The following LAMA3 variants were observed in gnomAD, a reference collection of about 807,000 sequenced individuals.
The protein encoded by LAMA3 is laminin subunit alpha 3.
A neutral mutation model predicts 402.0 loss-of-function variants in LAMA3; 281 were observed. The observed-to-expected ratio is 0.70, with a 90% CI of 0.63 to 0.77. The LOEUF is 0.77. Among genes scored for constraint, LAMA3 ranks in the 30% least tolerant of loss-of-function variants. The pLI is 0.00. For synonymous variants in LAMA3, 1,431 were observed against 1,558.4 expected (o/e 0.92, Z 1.93); for missense variants, 3,840 against 4,215.5 (o/e 0.91, Z 2.47).
intron 69 of LAMA3, among the ~76,000 whole-genome samples, chr18:23,944,256 CCTT>C (rs566560964): frequency 3.9e-4 from 60 of 152,298 alleles, no homozygotes; most frequent in African/African-American, 1.3e-3. Context: ...TACTCTAACT[CCTT>C]CATCCTGGAC....
chr18:23,939,354 A>G lies in LAMA3; in HGVS notation c.8994A>G (p.Leu2998=). 1 of 1,614,192 alleles carries G rather than the reference A, an allele frequency of 6.2e-7. No homozygotes were observed. The part of the protein sequence containing the change: ...QFGDIPTSHL[L]FKLPQELLKP... ...GGGACATTCCCACCAGCCACTTGCTATTCAAGCTTCCTCAGGAGCTGCTGA... is the reference window on the plus strand; with the variant it reads ...GGGACATTCCCACCAGCCACTTGCTGTTCAAGCTTCCTCAGGAGCTGCTGA... Residue 2998 remains leucine (L), a synonymous_variant, in exon 68 of 75, where the codon CTA becomes CTG. Transcript: ENST00000313654.
At chr18:23,944,438 A>G (rs924226723) in intron 69 of LAMA3, among the ~76,000 whole-genome samples, 4 of 152,220 alleles carry the variant, frequency 2.6e-5, no homozygotes, top group African/African-American at 7.2e-5. Flanking sequence ...ACTTCAGAAA[A>G]TGTAAGTGAC....
intron 44 of LAMA3, among the ~76,000 whole-genome samples, chr18:23,897,800 G>A (rs2080925372): frequency 6.6e-6 from 1 of 152,136 alleles, no homozygotes; most frequent in Admixed American, 6.5e-5. Flanking sequence ...CGTATAAGAA[G>A]GGAAGTAACA....
rs907825291 is a variant in LAMA3, at chr18:23,950,715, C to T, written c.9642+556C>T. Among the ~76,000 whole-genome samples the T allele has an allele frequency of 2.6e-5, 4 of 152,262 alleles. No homozygotes were observed. The South Asian group carries it at 6.2e-4, about 24-fold the overall frequency. On this transcript the variant is annotated intron_variant, in intron 72 of 74. Coordinates refer to ENST00000313654, the MANE Select transcript of LAMA3 (RefSeq NM_198129.4). ...ATAATATGCCATTTTCTTTCATCTC[C>T]GTCCTTCCACAGTTTACTAAATGTG...
At chr18:23,812,235 A>C (rs551060193) in intron 13 of LAMA3, among the ~76,000 whole-genome samples, 28 of 152,254 alleles carry the variant, frequency 1.8e-4, no homozygotes, top group Non-Finnish European at 3.7e-4. Context: ...CCAGCTCCTC[A>C]GAAGGATGAG....
chr18:23,954,755 C>G lies in LAMA3; in HGVS notation c.*107C>G. On this transcript the variant is annotated 3_prime_UTR_variant, in exon 75 of 75. Transcript: ENST00000313654. ...TTCTTCACTCAGGACACAAACCAGA[C>G]AGGTTTAATAGCGAATCTAATTTTG... 8.3e-7 allele frequency: 1 copy of G among 1,207,718 alleles called. No individual in the cohort carries two copies. The highest frequency in any genetic ancestry group is 1.2e-6 in the Non-Finnish European group (1 of 816,006). The allele number at this position is 1,207,718 out of a possible 1,614,324, so 74.8% of individuals were successfully genotyped here.
At chr18:23,881,886 A>C in intron 39 of LAMA3, 50 bp from the exon 40 acceptor site, 1 of 1,174,512 alleles carries the variant, frequency 8.5e-7, no homozygotes, top group South Asian at 1.3e-5. Context: ...TAATCTCAGA[A>C]GTAGGGACTG....
chr18:23,860,230 A>G (rs943071176), intron 34 of LAMA3, among the ~76,000 whole-genome samples: 3 of 125,446 alleles, frequency 2.4e-5, no homozygotes, highest in African/African-American at 8.9e-5. Flanking sequence ...CACCTATTTT[A>G]TCATATCTTT....
At chr18:23,846,110 G>T (rs559025107) in intron 30 of LAMA3, among the ~76,000 whole-genome samples, 187 bp from the exon 31 acceptor site, 206 of 152,262 alleles carry the variant, frequency 1.4e-3, no homozygotes, top group Non-Finnish European at 2.0e-3. Context: ...TGTGGCAGGT[G>T]GTAGGGGGAG....
intron 42 of LAMA3, among the ~76,000 whole-genome samples, chr18:23,891,940 G>A (rs2080684074): frequency 6.6e-6 from 1 of 152,186 alleles, no homozygotes; most frequent in African/African-American, 2.4e-5. Flanking sequence ...ACTCTGAAGG[G>A]ATGTGGAACT....
At chr18:23,926,206 C>T (rs2081998155) in intron 62 of LAMA3, among the ~76,000 whole-genome samples, 1 of 152,228 alleles carries the variant, frequency 6.6e-6, no homozygotes, top group South Asian at 2.1e-4. Context: ...ATACCTCCCT[C>T]AAAAGCTTAT....
intron 18 of LAMA3, among the ~76,000 whole-genome samples, chr18:23,818,952 A>G (rs1044689489): frequency 6.6e-6 from 1 of 152,106 alleles, no homozygotes; most frequent in African/African-American, 2.4e-5. Flanking sequence ...TTCTTTGACT[A>G]TCTACAAAAT....
intron 50 of LAMA3, among the ~76,000 whole-genome samples, chr18:23,904,291 A>C (rs954813907): frequency 2.0e-5 from 3 of 152,218 alleles, no homozygotes; most frequent in Admixed American, 6.5e-5. Context: ...TCCTTTGGGC[A>C]CAGCTACAGA....
chr18:23,933,801 G>A lies in LAMA3; in HGVS notation c.8728G>A (p.Val2910Ile), dbSNP rs2082234491. 1 of 1,614,056 alleles carries A rather than the reference G, an allele frequency of 6.2e-7. No individual in the cohort carries two copies. The highest frequency in any genetic ancestry group is 1.1e-5 in the South Asian group (1 of 91,086). The change falls in exon 67 of 75, where the codon GTC (valine) becomes ATC (isoleucine). Residue 2910 changes from valine to isoleucine, a missense_variant. By Grantham distance (29) the Val-to-Ile change is conservative. Coordinates refer to ENST00000313654, the MANE Select transcript of LAMA3 (RefSeq NM_198129.4). ...FVQRLSLSPE[V>I]LDLTSNSLKR... is the part of the protein sequence containing the mutation. ...TTCCAGGTTATCACTGAGTCCTGAA[G>A]TCCTAGATTTGACCAGTAACTCTCT... is the stretch of plus-strand genomic sequence containing the variant.
At chr18:23,931,515 T>C (rs2082163829) in intron 65 of LAMA3, 2 of 243,832 alleles carry the variant, frequency 8.2e-6, no homozygotes, top group East Asian at 1.9e-4. Flanking sequence ...TAAAATAAAA[T>C]GTAAATAAAT....
chr18:23,714,402 C>G lies in LAMA3; in HGVS notation c.447+330C>G, dbSNP rs148546396. On this transcript the variant is annotated intron_variant, in intron 2 of 74. Transcript: ENST00000313654. ...GGGTGTGGTGGCGGATGCGTGTAATCCCAGCTACTTGGGAGGCTGAGGCAG... is the reference window on the plus strand; with the variant it reads ...GGGTGTGGTGGCGGATGCGTGTAATGCCAGCTACTTGGGAGGCTGAGGCAG... 5.3e-4 allele frequency among the ~76,000 whole-genome samples: 80 copies of G among 152,194 alleles called. 1 individual carries two copies. In the East Asian group the frequency reaches 0.014, roughly 27 times the overall value.
chr18:23,761,872 TAATA>T (rs1439175135), intron 7 of LAMA3, among the ~76,000 whole-genome samples: 1 of 152,216 alleles, frequency 6.6e-6, no homozygotes, highest in Non-Finnish European at 1.5e-5. Flanking sequence ...TCTTTCACAG[TAATA>T]AATAATAATG....
At position 23,758,470 on chromosome 18, in the gene LAMA3, G is replaced by T. The variant is rs775794986; in HGVS notation, c.1022G>T (p.Arg341Leu). 1 of 1,613,700 alleles carries T rather than the reference G, an allele frequency of 6.2e-7. No homozygotes were observed. Among genetic ancestry groups the T allele is most frequent in the Non-Finnish European group, 8.5e-7 (1 of 1,179,968 alleles). ...DRCCTGYNQRRWRPAAWEQSH... is the reference protein window; with the variant it reads ...DRCCTGYNQRLWRPAAWEQSH... ...TGCTGCACAGGGTACAATCAGAGGC[G>T]CTGGCGGCCCGCCGCTTGGGAGCAG... The change falls in exon 7 of 75, where the codon CGC (arginine) becomes CTC (leucine). Residue 341 changes from arginine (R) to leucine (L), a missense_variant. Physicochemically the swap from Arg to Leu is moderately radical, Grantham distance 102. Coordinates refer to ENST00000313654, the MANE Select transcript of LAMA3 (RefSeq NM_198129.4).
At chr18:23,722,343 C>T (rs11659490) in intron 2 of LAMA3, among the ~76,000 whole-genome samples, 70,985 of 152,050 alleles carry the variant, frequency 0.47, 18,934 homozygotes, top group Non-Finnish European at 0.61. Flanking sequence ...TAAGCTGTGC[C>T]GTAAAGGCTG....
Sources: allele counts gnomAD v4.1 joint callset (sites outside exome capture counted in the v4.1 genomes callset), GRCh38; gene constraint gnomAD v4.1.1; transcripts MANE v1.5; gene names NCBI Gene and HGNC (gene_info 2026-07-23, HGNC 2026-07-21).